The following TEKT5 variants were observed in gnomAD, a reference collection of about 807,000 sequenced individuals.
TEKT5 encodes the protein tektin-5.
In TEKT5, 52 loss-of-function variants were observed where a neutral mutation model predicts 48.7. The observed-to-expected ratio is 1.07, with a 90% confidence interval of 0.86 to 1.35. The LOEUF is 1.35. Among genes scored for constraint, TEKT5 ranks in the 40% most tolerant of loss-of-function variants. TEKT5 has a pLI of 0.00. For synonymous variants in TEKT5, 318 were observed against 267.6 expected, an observed-to-expected ratio of 1.19 and a Z score of -1.84; for missense variants, 831 against 641.6, an observed-to-expected ratio of 1.30 and a Z score of -3.19.
At chr16:10,688,264 G>A (rs1177014346) in intron 3 of TEKT5, among the ~76,000 whole-genome samples, 2 of 152,192 alleles carry the variant, frequency 1.3e-5, no homozygotes, top group Non-Finnish European at 2.9e-5. Context: ...TCTCCAATGT[G>A]TCTGTCCGTG....
intron 6 of TEKT5, among the ~76,000 whole-genome samples, chr16:10,632,365 A>C (rs1169728893): frequency 6.6e-6 from 1 of 152,026 alleles, no homozygotes; most frequent in Non-Finnish European, 1.5e-5. Flanking sequence ...TGGCACGATT[A>C]TAGCTCACTG....
chr16:10,677,244 A>T (rs1898663213), intron 4 of TEKT5, among the ~76,000 whole-genome samples: 1 of 148,582 alleles, frequency 6.7e-6, no homozygotes, highest in Non-Finnish European at 1.5e-5. Flanking sequence ...TGGTGTCATT[A>T]TGTGTTGGTC....
At chr16:10,635,959 T>A (rs373823792) in intron 5 of TEKT5, 41 bp from the exon 6 acceptor site, 12 of 1,603,466 alleles carry the variant, frequency 7.5e-6, no homozygotes, top group Non-Finnish European at 1.0e-5. Context: ...ACCAGGCCCT[T>A]CTGACCTCCT....
chr16:10,687,616 G>C (rs1397870752), intron 3 of TEKT5, among the ~76,000 whole-genome samples: 1 of 151,948 alleles, frequency 6.6e-6, no homozygotes, highest in African/African-American at 2.4e-5. Context: ...AGCTGAGTGT[G>C]GTGGCATGGG....
intron 5 of TEKT5, among the ~76,000 whole-genome samples, chr16:10,665,804 G>A (rs1596411312): frequency 6.6e-6 from 1 of 152,298 alleles, no homozygotes; most frequent in East Asian, 1.9e-4. Context: ...GTGCTAAGGT[G>A]GGCATCAGGT....
Position 10,694,668 on chromosome 16 carries a change from G to C in TEKT5, c.206C>G (p.Thr69Ser). The C allele has an allele frequency of 6.2e-7, 1 of 1,613,430 alleles. No individual in the cohort carries two copies. The highest frequency in any genetic ancestry group is 8.5e-7 in the Non-Finnish European group (1 of 1,179,654). The change falls in exon 1 of 7, where the codon ACC (threonine) becomes AGC (serine). Residue 69 changes from threonine (T) to serine (S), a missense_variant. Physicochemically the swap from Thr to Ser is moderately conservative, Grantham distance 58. Transcript: ENST00000283025. ...ANVQTCPDES[T>S]STLRPPTILP... The stretch of plus-strand genomic sequence containing the variant: ...GATGGTGGGCGGCCGCAGGGTACTG[G>C]TGCTCTCGTCCGGGCAGGTCTGGAC...
chr16:10,682,202 A>C (rs920891223), intron 3 of TEKT5, 66 bp from the exon 4 acceptor site: 10 of 1,564,874 alleles, frequency 6.4e-6, no homozygotes, highest in Non-Finnish European at 8.7e-6. Flanking sequence ...TGGGCCACAC[A>C]GCAGGTGTGT....
chr16:10,684,508 G>A (rs1296770193), intron 3 of TEKT5, among the ~76,000 whole-genome samples: 1 of 151,930 alleles, frequency 6.6e-6, no homozygotes, highest in Non-Finnish European at 1.5e-5. Flanking sequence ...CTATCAGGAA[G>A]CTCGGGTCAT....
At chr16:10,661,456 A>T (rs117618632) in intron 5 of TEKT5, among the ~76,000 whole-genome samples, 3 of 152,168 alleles carry the variant, frequency 2.0e-5, no homozygotes, top group African/African-American at 4.8e-5. Flanking sequence ...CAAGCTATTC[A>T]TATGCATATT....
At chr16:10,665,724 C>A (rs571412956) in intron 5 of TEKT5, among the ~76,000 whole-genome samples, 4 of 152,192 alleles carry the variant, frequency 2.6e-5, no homozygotes, top group African/African-American at 9.6e-5. Context: ...TCCATCCAGG[C>A]ACACACCACC....
At chr16:10,633,852 T>C (rs1897874498) in intron 6 of TEKT5, among the ~76,000 whole-genome samples, 1 of 152,116 alleles carries the variant, frequency 6.6e-6, no homozygotes, top group Non-Finnish European at 1.5e-5. Context: ...CTTGGATCAA[T>C]TTGCCTGCCC....
intron 4 of TEKT5, among the ~76,000 whole-genome samples, chr16:10,680,066 CTG>C (rs1455171627): frequency 2.0e-5 from 3 of 152,216 alleles, no homozygotes; most frequent in Non-Finnish European, 4.4e-5. Context: ...ATTGGAGGCT[CTG>C]GGGCTGCCAG....
intron 3 of TEKT5, among the ~76,000 whole-genome samples, 195 bp from the exon 4 acceptor site, chr16:10,682,331 T>TC (rs1385266547): frequency 1.0e-5 from 1 of 97,492 alleles, no homozygotes; most frequent in East Asian, 2.4e-4. Flanking sequence ...TCCTTTATTC[T>TC]TTTTTTTTTG....
At chr16:10,680,249 G>A (rs1475460938) in intron 4 of TEKT5, among the ~76,000 whole-genome samples, 1 of 152,190 alleles carries the variant, frequency 6.6e-6, no homozygotes, top group Non-Finnish European at 1.5e-5. Context: ...AGTCCCAAAG[G>A]GTCACCTCAG....
chr16:10,659,179 G>C (rs925540808), intron 5 of TEKT5, among the ~76,000 whole-genome samples: 3 of 152,206 alleles, frequency 2.0e-5, no homozygotes, highest in African/African-American at 7.2e-5. Context: ...CCATGACTGA[G>C]AGCCACTGAA....
At chr16:10,671,224 G>C (rs959273632) in intron 5 of TEKT5, among the ~76,000 whole-genome samples, 4 of 152,142 alleles carry the variant, frequency 2.6e-5, no homozygotes, top group African/African-American at 9.7e-5. Context: ...TGTTTCACAG[G>C]TGAGAAACCA....
chr16:10,658,789 C>T (rs1206785321), intron 5 of TEKT5, among the ~76,000 whole-genome samples: 1 of 151,966 alleles, frequency 6.6e-6, no homozygotes, highest in East Asian at 1.9e-4. Context: ...GCCATCTCAG[C>T]TCACTGCAAC....
Position 10,627,697 on chromosome 16 carries a change from G to A in TEKT5, c.1344C>T (p.Cys448=), listed in dbSNP as rs747368284. The A allele has an allele frequency of 1.2e-6, 2 of 1,614,110 alleles. No individual in the cohort carries two copies. Among genetic ancestry groups the A allele is most frequent in the African/African-American group, 2.7e-5 (2 of 74,952 alleles). Residue 448 remains cysteine (C), a synonymous_variant, in exon 7 of 7, where the codon TGC becomes TGT. Transcript: ENST00000283025. ...DTLQLLVMTK[C]RLEHELAIKA... is the part of the protein sequence containing the mutation. ...TGATGGCGAGCTCGTGCTCCAGCCG[G>A]CACTTGGTCATGACCAGCAGCTGCA...
chr16:10,647,259 C>T (rs1357843154), intron 5 of TEKT5, among the ~76,000 whole-genome samples: 1 of 151,732 alleles, frequency 6.6e-6, no homozygotes, highest in African/African-American at 2.4e-5. Flanking sequence ...TGCTTGAGTC[C>T]AGGAATTCGA....
Sources: allele counts gnomAD v4.1 joint callset (sites outside exome capture counted in the v4.1 genomes callset), GRCh38; gene constraint gnomAD v4.1.1; transcripts MANE v1.5; gene names NCBI Gene and HGNC (gene_info 2026-07-23, HGNC 2026-07-21).